RBFOX1: variants seen among roughly 807,000 people sequenced by gnomAD.
The protein encoded by RBFOX1 is RNA binding protein fox-1 homolog 1.
Under a neutral mutation model 57.7 loss-of-function variants are expected in RBFOX1, and 8 were observed. The ratio of observed to expected loss-of-function variants is 0.14; its 90% CI spans 0.08 to 0.25. The LOEUF (loss-of-function observed/expected upper bound fraction) is 0.25. Ranked by LOEUF, RBFOX1 falls within the 10% of genes least tolerant of loss-of-function variation. RBFOX1 has a pLI of 1.00. For missense variants in RBFOX1, 611 were observed against 548.5 expected (o/e 1.11, Z -1.14); for synonymous variants, 326 against 222.4 (o/e 1.47, Z -4.15).
chr16:6,748,445 A>G (rs1373529958), intron 3 of RBFOX1, among the ~76,000 whole-genome samples: 7 of 152,134 alleles, frequency 4.6e-5, no homozygotes, highest in Non-Finnish European at 8.8e-5. Flanking sequence ...AGGATTGCAT[A>G]AGCCCAGGAG....
intron 3 of RBFOX1, among the ~76,000 whole-genome samples, chr16:6,897,663 C>T (rs745996833): frequency 7.3e-5 from 11 of 151,628 alleles, no homozygotes; most frequent in South Asian, 2.1e-4. Context: ...CTTGGTGGCA[C>T]GTGTCTGTAA....
intron 2 of RBFOX1, among the ~76,000 whole-genome samples, chr16:6,596,428 C>T (rs567061431): frequency 7.9e-5 from 12 of 152,246 alleles, no homozygotes; most frequent in Non-Finnish European, 1.5e-4. Context: ...TGCGTCACTG[C>T]AGTTGTTTAA....
At chr16:5,695,361 C>T (rs2050815255) in intron 3 of RBFOX1, among the ~76,000 whole-genome samples, 1 of 152,042 alleles carries the variant, frequency 6.6e-6, no homozygotes, top group Non-Finnish European at 1.5e-5. Context: ...TATGAAAGAG[C>T]CACAGCAATA....
rs956580074 is a variant in RBFOX1 at position 5,804,696 on chromosome 16, C to T, written c.319-62607C>T. Among the ~76,000 whole-genome samples the T allele has an allele frequency of 1.1e-4, 16 of 152,230 alleles. 1 individual carries two copies. The East Asian group carries it at 2.1e-3, about 20-fold the overall frequency. On this transcript the variant is annotated intron_variant, in intron 3 of 19. Transcript: ENST00000641259. Reference sequence around the variant, plus strand: ...GCCTGGTCCTAATTAATTACGGTGGCCTTTCAGCAAGTTGGTCCTGGACAC... The same window carrying T: ...GCCTGGTCCTAATTAATTACGGTGGTCTTTCAGCAAGTTGGTCCTGGACAC...
intron 1 of RBFOX1, among the ~76,000 whole-genome samples, chr16:6,171,672 C>A (rs1405107484): frequency 6.6e-6 from 1 of 152,062 alleles, no homozygotes; most frequent in East Asian, 1.9e-4. Flanking sequence ...TGGCCTAGAG[C>A]ATAAGTGACT....
chr16:6,894,690 C>T (rs2066330986), intron 3 of RBFOX1, among the ~76,000 whole-genome samples: 1 of 152,174 alleles, frequency 6.6e-6, no homozygotes, highest in African/African-American at 2.4e-5. Context: ...GCCTCGACCT[C>T]ACTAAAACAT....
At chr16:6,733,840 C>T (rs552356483) in intron 3 of RBFOX1, among the ~76,000 whole-genome samples, 1 of 152,324 alleles carries the variant, frequency 6.6e-6, no homozygotes, top group African/African-American at 2.4e-5. Flanking sequence ...AGCAGGAGCT[C>T]ACTCCAGAGC....
At chr16:5,984,160 T>C (rs546196257) in intron 4 of RBFOX1, among the ~76,000 whole-genome samples, 1 of 29,738 alleles carries the variant, frequency 3.4e-5, no homozygotes, top group African/African-American at 1.6e-4. Flanking sequence ...CTCCCCCTCC[T>C]CCTCCTCCCC....
chr16:7,134,657 C>T (rs76437870), intron 4 of RBFOX1, among the ~76,000 whole-genome samples: 3,694 of 152,290 alleles, frequency 0.024, 150 homozygotes, highest in African/African-American at 0.084. Flanking sequence ...AGAATTCCGT[C>T]AGCTTTCATT....
intron 2 of RBFOX1, among the ~76,000 whole-genome samples, chr16:6,541,102 C>T (rs1038884111): frequency 6.6e-6 from 1 of 152,096 alleles, no homozygotes. Context: ...GTAAAAGAAA[C>T]CTGTGTTTCA....
At chr16:6,768,138 A>G (rs953550220) in intron 3 of RBFOX1, among the ~76,000 whole-genome samples, 5 of 151,950 alleles carry the variant, frequency 3.3e-5, no homozygotes, top group Non-Finnish European at 7.4e-5. Flanking sequence ...CAGAGGTTGC[A>G]GTGAGCAGAG....
rs573049148 is a variant in RBFOX1 at position 5,942,709 on chromosome 16, C to T, written c.351+75374C>T. ...CCAAAGTTAGCTTGGCCTATACCCC[C>T]GAACAACCAAGGGTAGTTTGTAGGT... is the stretch of plus-strand genomic sequence containing the variant. On this transcript the variant is annotated intron_variant, in intron 4 of 19. Coordinates refer to the RBFOX1 transcript ENST00000641259. 4.6e-5 allele frequency among the ~76,000 whole-genome samples: 7 copies of T among 152,260 alleles called. No individual in the cohort carries two copies. The East Asian group carries it at 5.8e-4, about 13-fold the overall frequency.
intron 4 of RBFOX1, among the ~76,000 whole-genome samples, chr16:7,155,594 T>TG (rs2076913163): frequency 7.9e-6 from 1 of 126,448 alleles, no homozygotes; most frequent in African/African-American, 3.3e-5. Flanking sequence ...AGCACTTGTC[T>TG]GAAAAAAAAA....
intron 4 of RBFOX1, among the ~76,000 whole-genome samples, chr16:7,143,731 C>A (rs963321969): frequency 2.0e-5 from 3 of 152,038 alleles, no homozygotes; most frequent in Non-Finnish European, 4.4e-5. Context: ...ATACATTCAT[C>A]CATGGGTTTA....
intron 2 of RBFOX1, among the ~76,000 whole-genome samples, chr16:6,428,989 G>A (rs564567460): frequency 6.6e-6 from 1 of 152,288 alleles, no homozygotes; most frequent in South Asian, 2.1e-4. Flanking sequence ...GCACAGACTT[G>A]TCTGGGAGGT....
intron 4 of RBFOX1, among the ~76,000 whole-genome samples, chr16:7,456,284 T>C (rs1273604322): frequency 6.6e-6 from 1 of 152,168 alleles, no homozygotes; most frequent in African/African-American, 2.4e-5. Flanking sequence ...CTTATACAAA[T>C]ACAGAAGGTA....
chr16:5,746,120 G>T (rs571517882), intron 3 of RBFOX1, among the ~76,000 whole-genome samples: 20 of 152,300 alleles, frequency 1.3e-4, no homozygotes, highest in African/African-American at 2.6e-4. Flanking sequence ...TTTGTATAAG[G>T]TGTAAAGAAG....
At chr16:7,354,020 G>C (rs2097172227) in intron 4 of RBFOX1, among the ~76,000 whole-genome samples, 1 of 152,100 alleles carries the variant, frequency 6.6e-6, no homozygotes, top group South Asian at 2.1e-4. Context: ...CACTCAGGCT[G>C]GAGTGCAGTG....
intron 1 of RBFOX1, among the ~76,000 whole-genome samples, chr16:5,390,826 C>T (rs34897869): frequency 0.42 from 63,272 of 151,910 alleles, 13,488 homozygotes; most frequent in Non-Finnish European, 0.45. Context: ...AAGGATAGTG[C>T]ATGTGATGCT....
Sources: allele counts gnomAD v4.1 joint callset (sites outside exome capture counted in the v4.1 genomes callset), GRCh38; gene constraint gnomAD v4.1.1; transcripts MANE v1.5; gene names NCBI Gene and HGNC (gene_info 2026-07-23, HGNC 2026-07-21).